Variants in TMEM201 observed in about 807,000 individuals in gnomAD.
TMEM201 encodes transmembrane protein 201.
Under a neutral mutation model 63.4 loss-of-function variants are expected in TMEM201, and 26 were observed. That is an observed-to-expected ratio of 0.41 (90% CI 0.30 to 0.57). The LOEUF is 0.57. TMEM201 is among the 20% of genes least tolerant of loss of function. The pLI is 0.29. For synonymous variants in TMEM201, 417 were observed against 421.6 expected (o/e 0.99, Z 0.14); for missense variants, 794 against 917.7 (o/e 0.87, Z 1.74).
intron 1 of TMEM201, among the ~76,000 whole-genome samples, chr1:9,594,706 A>G (rs1207479297): frequency 6.6e-6 from 1 of 152,016 alleles, no homozygotes; most frequent in Non-Finnish European, 1.5e-5. Context: ...GGCCAGCCCG[A>G]TGGGTTAGCG....
chr1:9,589,245 G>A (rs1172832575), intron 1 of TMEM201, among the ~76,000 whole-genome samples: 1 of 151,370 alleles, frequency 6.6e-6, no homozygotes, highest in Non-Finnish European at 1.5e-5. Context: ...GAGCGGCGGG[G>A]ACTCCGGGAA....
chr1:9,600,029 G>A (rs1056057704), intron 4 of TMEM201, among the ~76,000 whole-genome samples: 2 of 152,326 alleles, frequency 1.3e-5, no homozygotes, highest in Non-Finnish European at 2.9e-5. Context: ...GGCCCCAGGA[G>A]AGGGTCCACC....
chr1:9,612,233 G>A (rs773993916), intron 10 of TMEM201, among the ~76,000 whole-genome samples: 2 of 152,240 alleles, frequency 1.3e-5, no homozygotes, highest in Non-Finnish European at 1.5e-5. Flanking sequence ...GTGGCCCGTG[G>A]CTGGCATTTA....
intron 10 of TMEM201, 97 bp downstream of exon 10, chr1:9,611,987 C>G (rs1167199758): frequency 2.2e-6 from 3 of 1,380,150 alleles, no homozygotes; most frequent in East Asian, 2.5e-5. Context: ...AAAGAATCTT[C>G]CAGGACATTG....
At chr1:9,602,435 C>T in intron 6 of TMEM201, 163 bp downstream of exon 6, 1 of 1,454,328 alleles carries the variant, frequency 6.9e-7, no homozygotes, top group Non-Finnish European at 9.1e-7. Context: ...CCCTCCACTG[C>T]CTCGAAGAGT....
Position 9,596,854 on chromosome 1 carries a change from C to A in TMEM201, c.235-5C>A, listed in dbSNP as rs370331457. ...CCTGCCTCGAGTCCCACCTCTCTCC[C>A]GCAGAACGGCGACTACAACAAGCCG... is the stretch of plus-strand genomic sequence containing the variant. On this transcript the variant is annotated splice_region_variant and splice_polypyrimidine_tract_variant and intron_variant, in intron 2 of 10. Transcript: ENST00000340381. The A allele has an allele frequency of 6.3e-7, 1 of 1,580,130 alleles. No homozygotes were observed. Among genetic ancestry groups the A allele is most frequent in the Non-Finnish European group, 8.7e-7 (1 of 1,155,350 alleles).
intron 4 of TMEM201, among the ~76,000 whole-genome samples, chr1:9,599,366 G>A (rs1021668936): frequency 1.3e-5 from 2 of 151,650 alleles, no homozygotes; most frequent in African/African-American, 4.9e-5. Flanking sequence ...TCCTGCCTCA[G>A]CCTCCTGAGT....
Position 9,610,864 on chromosome 1 carries a change from G to C in TMEM201, c.1765+59G>C. The C allele has an allele frequency of 6.7e-7, 1 of 1,496,010 alleles. No homozygotes were observed. The highest frequency in any genetic ancestry group is 1.3e-5 in the South Asian group (1 of 77,284). The allele number at this position is 1,496,010 out of a possible 1,614,324, so 92.7% of individuals were successfully genotyped here. On this transcript the variant is annotated intron_variant, in intron 9 of 10. Coordinates refer to ENST00000340381, the MANE Select transcript of TMEM201 (RefSeq NM_001130924.3). The surrounding 1 kb of genome is among the most constrained non-coding windows in gnomAD (Gnocchi z 4.9). ...GAGGGCCTCTGCTGCCAAGAGGCCT[G>C]GCTGTGCGGCGGTGGGGGGGCTCAT... is the stretch of plus-strand genomic sequence containing the variant.
chr1:9,607,506 A>G lies in TMEM201; in HGVS notation c.1161-51A>G. The G allele has an allele frequency of 6.9e-7, 1 of 1,453,020 alleles. No individual in the cohort carries two copies. The highest frequency in any genetic ancestry group is 9.3e-7 in the Non-Finnish European group (1 of 1,074,972). 90.0% of individuals were successfully genotyped at this position (1,453,020 alleles called of 1,614,324 possible). On this transcript the variant is annotated intron_variant, in intron 6 of 10. Transcript: ENST00000340381. The surrounding 1 kb of genome is among the most constrained non-coding windows in gnomAD (Gnocchi z 5.4). Reference sequence around the variant, plus strand: ...TGGGACCCACTGCAAGGCTGCCTCCAGGACCTCCCGCTGACCCTCTTCTTG... The same window carrying G: ...TGGGACCCACTGCAAGGCTGCCTCCGGGACCTCCCGCTGACCCTCTTCTTG...
chr1:9,602,624 C>G, intron 6 of TMEM201: 12 of 1,205,866 alleles, frequency 1.0e-5, no homozygotes, highest in Non-Finnish European at 1.3e-5. Context: ...CCAGGCACCC[C>G]CCTCTCACCA....
chr1:9,611,190 G>C (rs1057408367), intron 9 of TMEM201: 6 of 534,720 alleles, frequency 1.1e-5, no homozygotes, highest in South Asian at 1.1e-4. Flanking sequence ...ACATGAATTT[G>C]TAGATTTCCT....
chr1:9,600,403 G>C (rs562810979), intron 4 of TMEM201, among the ~76,000 whole-genome samples: 1 of 152,172 alleles, frequency 6.6e-6, no homozygotes, highest in East Asian at 1.9e-4. Context: ...CAGGGCTTAG[G>C]AGTGCACCAC....
At chr1:9,611,925 G>A (rs889480569) in intron 10 of TMEM201, 35 bp downstream of exon 10, 4 of 1,508,616 alleles carry the variant, frequency 2.7e-6, no homozygotes, top group Middle Eastern at 1.8e-4. Context: ...GGAGGGGGTG[G>A]GCACACATCC....
intron 1 of TMEM201, among the ~76,000 whole-genome samples, chr1:9,590,063 C>G (rs1357847278): frequency 6.6e-6 from 1 of 152,156 alleles, no homozygotes; most frequent in Non-Finnish European, 1.5e-5. Context: ...GTGGTTGAGT[C>G]ACAGAGGCTT....
At chr1:9,598,383 G>T in intron 3 of TMEM201, 66 bp from the exon 4 acceptor site, 2 of 1,560,402 alleles carry the variant, frequency 1.3e-6, no homozygotes, top group South Asian at 2.4e-5. Context: ...TTCCACGTCT[G>T]ACCTGTAAGA....
rs1463084007 is a variant in TMEM201, at chr1:9,608,358, A to C, written c.1393+569A>C. On this transcript the variant is annotated intron_variant, in intron 7 of 10. Coordinates refer to ENST00000340381, the MANE Select transcript of TMEM201 (RefSeq NM_001130924.3). The surrounding 1 kb of genome is among the most constrained non-coding windows in gnomAD (Gnocchi z 4.3). ...AATGTGTGCACCGTGCTGTGCCCTA[A>C]TCTTTTCCTCTAAAATTGCAACATG... Among the ~76,000 whole-genome samples, 1 of 152,182 alleles carries C rather than the reference A, an allele frequency of 6.6e-6. No homozygotes were observed. The highest frequency in any genetic ancestry group is 2.4e-5 in the African/African-American group (1 of 41,436).
At chr1:9,597,171 A>G (rs1347945548) in intron 3 of TMEM201, 118 bp downstream of exon 3, 28 of 1,242,506 alleles carry the variant, frequency 2.3e-5, no homozygotes, top group East Asian at 2.6e-5. Context: ...TCTGCTAGAC[A>G]GCGGCTTTTC....
chr1:9,593,907 A>G (rs551639275), intron 1 of TMEM201, among the ~76,000 whole-genome samples: 3 of 152,374 alleles, frequency 2.0e-5, no homozygotes, highest in Non-Finnish European at 2.9e-5. Flanking sequence ...CCTGTACAAC[A>G]GCTAGTAATT....
rs1644257287 is a variant in TMEM201 at position 9,607,212 on chromosome 1, C to G, written c.1161-345C>G. Among the ~76,000 whole-genome samples, 1 of 152,074 alleles carries G rather than the reference C, an allele frequency of 6.6e-6. No homozygotes were observed. The highest frequency in any genetic ancestry group is 1.5e-5 in the Non-Finnish European group (1 of 68,020). On this transcript the variant is annotated intron_variant, in intron 6 of 10. Coordinates refer to ENST00000340381, the MANE Select transcript of TMEM201 (RefSeq NM_001130924.3). This position sits in a 1 kb window ranked among gnomAD's most constrained non-coding sequence, Gnocchi z 5.4. ...CCTTCATTGAGTGCCTGGCACGGGG[C>G]TGGGCATTTTTGCTTCAAGGCGAAA...
Sources: allele counts gnomAD v4.1 joint callset (sites outside exome capture counted in the v4.1 genomes callset), GRCh38; gene constraint gnomAD v4.1.1; non-coding constraint Gnocchi (gnomAD v3.1); transcripts MANE v1.5; gene names NCBI Gene and HGNC (gene_info 2026-07-23, HGNC 2026-07-21).